Variants in B3GALT1 observed in about 807,000 individuals in gnomAD.
B3GALT1 encodes beta-1,3-galactosyltransferase 1.
A neutral mutation model predicts 23.2 loss-of-function variants in B3GALT1; 10 were observed. That is an observed-to-expected ratio of 0.43 (90% confidence interval 0.27 to 0.73). B3GALT1 has a LOEUF of 0.73. Among genes scored for constraint, B3GALT1 ranks in the 30% least tolerant of loss-of-function variants. The pLI is 0.21. For missense variants in B3GALT1, 299 were observed against 405.4 expected (o/e 0.74, Z 2.25); for synonymous variants, 156 against 141.5 (o/e 1.10, Z -0.73).
intron 3 of B3GALT1, among the ~76,000 whole-genome samples, chr2:167,777,921 G>A (rs952136981): frequency 4.6e-5 from 7 of 151,870 alleles, no homozygotes; most frequent in African/African-American, 1.7e-4. Context: ...ACATCCAACA[G>A]GAAGCATGGT....
At chr2:167,782,124 T>C (rs1688256699) in intron 3 of B3GALT1, among the ~76,000 whole-genome samples, 1 of 152,130 alleles carries the variant, frequency 6.6e-6, no homozygotes, top group South Asian at 2.1e-4. Flanking sequence ...AGCTGACAGC[T>C]AAAACTACAA....
At chr2:167,404,287 A>G (rs1574065701) in intron 1 of B3GALT1, among the ~76,000 whole-genome samples, 1 of 152,270 alleles carries the variant, frequency 6.6e-6, no homozygotes, top group South Asian at 2.1e-4. Flanking sequence ...ATCCGCCTCC[A>G]TAACCCAAAC....
At chr2:167,660,432 G>C (rs1412352285) in intron 3 of B3GALT1, among the ~76,000 whole-genome samples, 4 of 152,058 alleles carry the variant, frequency 2.6e-5, no homozygotes, top group African/African-American at 7.2e-5. Flanking sequence ...TTCAGTAGAA[G>C]GAACAAGCTT....
At chr2:167,506,897 A>G (rs1174415143) in intron 2 of B3GALT1, among the ~76,000 whole-genome samples, 1 of 152,212 alleles carries the variant, frequency 6.6e-6, no homozygotes, top group Non-Finnish European at 1.5e-5. Context: ...TGTAACATGT[A>G]TAAAGTGAGT....
rs192515748 is a variant in B3GALT1 at position 167,783,909 on chromosome 2, T to A, written c.-351-34763T>A. ...AGTAACCTCTGGGGGAATCCAGGGC[T>A]GATGACTGTGTAAAACAGAAATAAG... On this transcript the variant is annotated intron_variant, in intron 3 of 4. Coordinates refer to ENST00000392690, the MANE Select transcript of B3GALT1 (RefSeq NM_020981.4). Among the ~76,000 whole-genome samples, 23 of 152,266 alleles carry A rather than the reference T, an allele frequency of 1.5e-4. No homozygotes were observed. In the East Asian group the frequency reaches 2.7e-3, roughly 18 times the overall value.
chr2:167,632,751 G>C (rs140506584), intron 2 of B3GALT1, among the ~76,000 whole-genome samples: 2,371 of 152,036 alleles, frequency 0.016, 27 homozygotes, highest in Non-Finnish European at 0.026. Flanking sequence ...TAGGTTGCCT[G>C]TTCACTCTGA....
chr2:167,423,336 T>G (rs867907695), intron 1 of B3GALT1, among the ~76,000 whole-genome samples: 3 of 152,240 alleles, frequency 2.0e-5, no homozygotes, highest in African/African-American at 7.2e-5. Flanking sequence ...AACTGGACTG[T>G]TTTTTGAAAT....
At chr2:167,468,361 G>C (rs1030335125) in intron 1 of B3GALT1, among the ~76,000 whole-genome samples, 8 of 151,922 alleles carry the variant, frequency 5.3e-5, no homozygotes, top group African/African-American at 1.7e-4. Context: ...TTACAAAATA[G>C]AACATAATGA....
chr2:167,662,598 C>A (rs1022563012), intron 3 of B3GALT1, among the ~76,000 whole-genome samples: 1 of 152,152 alleles, frequency 6.6e-6, no homozygotes, highest in Non-Finnish European at 1.5e-5. Flanking sequence ...CCCTTAAGGT[C>A]TATTCTCCAC....
chr2:167,758,044 C>G (rs1476178416), intron 3 of B3GALT1, among the ~76,000 whole-genome samples: 2 of 152,166 alleles, frequency 1.3e-5, no homozygotes, highest in Admixed American at 6.5e-5. Flanking sequence ...GCACTGCAGG[C>G]AATTACTGAA....
intron 3 of B3GALT1, among the ~76,000 whole-genome samples, chr2:167,760,167 A>C (rs1040819458): frequency 6.6e-6 from 1 of 152,180 alleles, no homozygotes; most frequent in African/African-American, 2.4e-5. Flanking sequence ...ATTAAACACA[A>C]AACTATTAGC....
At chr2:167,644,641 A>G (rs1473933353) in intron 2 of B3GALT1, among the ~76,000 whole-genome samples, 8 of 151,838 alleles carry the variant, frequency 5.3e-5, no homozygotes, top group African/African-American at 1.5e-4. Flanking sequence ...TTAGCCAGGC[A>G]TGGTGGTGGG....
At chr2:167,863,055 C>A (rs181408701) in intron 4 of B3GALT1, among the ~76,000 whole-genome samples, 1 of 152,122 alleles carries the variant, frequency 6.6e-6, no homozygotes, top group African/African-American at 2.4e-5. Context: ...AAGTGTTACA[C>A]GTGCAACTTT....
chr2:167,314,830 A>T (rs1406322991), intron 1 of B3GALT1, among the ~76,000 whole-genome samples: 1 of 152,136 alleles, frequency 6.6e-6, no homozygotes, highest in East Asian at 1.9e-4. Context: ...GTCATAGAAA[A>T]GATACTTTAC....
chr2:167,558,664 C>G (rs535739697), intron 2 of B3GALT1, among the ~76,000 whole-genome samples: 5 of 152,234 alleles, frequency 3.3e-5, no homozygotes, highest in Non-Finnish European at 7.3e-5. Context: ...TATCCTGCAC[C>G]TGGCTCGGAG....
At chr2:167,401,620 C>CT (rs1369473059) in intron 1 of B3GALT1, among the ~76,000 whole-genome samples, 1 of 152,140 alleles carries the variant, frequency 6.6e-6, no homozygotes, top group African/African-American at 2.4e-5. Flanking sequence ...ATCAAGTTCT[C>CT]TGAGTTATCC....
At position 167,640,391 on chromosome 2, in the gene B3GALT1, A is replaced by G. The variant is rs750220239; in HGVS notation, c.-409-6518A>G. ...CTGTTGTAAATATTAATAACAGGTT[A>G]CATATGTTTTTTCTTCTCTACTCTC... On this transcript the variant is annotated intron_variant, in intron 2 of 4. Transcript: ENST00000392690. Among the ~76,000 whole-genome samples the G allele has an allele frequency of 2.0e-5, 3 of 152,108 alleles. No homozygotes were observed. In the South Asian group the frequency reaches 6.2e-4, roughly 32 times the overall value.
intron 3 of B3GALT1, among the ~76,000 whole-genome samples, chr2:167,663,334 C>T (rs1261322227): frequency 6.6e-6 from 1 of 151,866 alleles, no homozygotes; most frequent in East Asian, 1.9e-4. Flanking sequence ...TGTATATGTG[C>T]CACATTTTCT....
chr2:167,637,695 A>G (rs1685582895), intron 2 of B3GALT1, among the ~76,000 whole-genome samples: 1 of 151,540 alleles, frequency 6.6e-6, no homozygotes, highest in African/African-American at 2.4e-5. Flanking sequence ...CTGCCATTCC[A>G]CCCTCTGCCT....
Sources: gnomAD v4.1 joint callset for allele counts (sites outside exome capture counted in the v4.1 genomes callset) on GRCh38, gnomAD v4.1.1 for gene constraint, MANE v1.5 for transcripts, NCBI Gene and HGNC (gene_info 2026-07-23, HGNC 2026-07-21) for gene names.